Variants in WWOX observed in about 807,000 individuals in gnomAD.
The protein encoded by WWOX is WW domain containing oxidoreductase.
WWOX carries 69 observed loss-of-function variants against 46.2 expected under a neutral mutation model. The observed-to-expected ratio is 1.49, with a 90% CI of 1.23 to 1.82. The LOEUF is 1.82. Ranked by LOEUF, WWOX falls within the 40% of genes most tolerant of loss-of-function variation. The probability of loss-of-function intolerance (pLI) is 0.00; values close to 1 mark genes in which losing one functional copy is unlikely to be tolerated. For missense variants in WWOX, 919 were observed against 542.6 expected (o/e 1.69, Z -6.89); for synonymous variants, 359 against 202.6 (o/e 1.77, Z -6.56).
chr16:78,579,618 A>T (rs1486775673), intron 8 of WWOX, among the ~76,000 whole-genome samples: 1 of 152,206 alleles, frequency 6.6e-6, no homozygotes, highest in East Asian at 1.9e-4. Flanking sequence ...CTGTACTTCA[A>T]GGTTTTGGAG....
chr16:78,979,174 C>T (rs2046632222), intron 8 of WWOX, among the ~76,000 whole-genome samples: 1 of 151,252 alleles, frequency 6.6e-6, no homozygotes, highest in South Asian at 2.1e-4. Context: ...ATGCTACATG[C>T]ATGTGGCTTC....
At chr16:78,925,361 G>C (rs573705561) in intron 8 of WWOX, among the ~76,000 whole-genome samples, 94 of 152,252 alleles carry the variant, frequency 6.2e-4, no homozygotes, top group Admixed American at 1.3e-3. Context: ...AACAAAGGGA[G>C]ATCCACCCTT....
chr16:78,790,772 C>G (rs537908253), intron 8 of WWOX, among the ~76,000 whole-genome samples: 1 of 152,196 alleles, frequency 6.6e-6, no homozygotes, highest in Admixed American at 6.5e-5. Flanking sequence ...GTAACCCTAG[C>G]ACTTTGGGAG....
chr16:78,224,010 T>G (rs1018627408), intron 5 of WWOX, among the ~76,000 whole-genome samples: 2 of 152,180 alleles, frequency 1.3e-5, no homozygotes, highest in African/African-American at 4.8e-5. Flanking sequence ...TTATCTTTCC[T>G]TCTTTTTTTT....
At chr16:78,389,484 C>G (rs1211384109) in intron 6 of WWOX, among the ~76,000 whole-genome samples, 4 of 152,126 alleles carry the variant, frequency 2.6e-5, no homozygotes, top group Non-Finnish European at 4.4e-5. Flanking sequence ...ATGATAATGA[C>G]AAGAACAGCA....
intron 5 of WWOX, among the ~76,000 whole-genome samples, chr16:78,195,877 A>G (rs912962383): frequency 3.9e-5 from 6 of 152,052 alleles, no homozygotes; most frequent in African/African-American, 1.2e-4. Flanking sequence ...ATATGAGACA[A>G]ATGAAAAAGA....
intron 5 of WWOX, among the ~76,000 whole-genome samples, chr16:78,228,880 G>A (rs180724625): frequency 2.6e-5 from 4 of 152,270 alleles, no homozygotes; most frequent in Admixed American, 6.5e-5. Flanking sequence ...CCAAGTGTCC[G>A]TAAACTTCAA....
intron 4 of WWOX, chr16:78,124,086 C>T (rs371121560): frequency 2.0e-5 from 3 of 152,076 alleles, no homozygotes; most frequent in African/African-American, 7.2e-5. Flanking sequence ...GAAAGGAATA[C>T]ACTTTGGCTT....
At chr16:78,771,283 G>C (rs1379020736) in intron 8 of WWOX, among the ~76,000 whole-genome samples, 1 of 152,088 alleles carries the variant, frequency 6.6e-6, no homozygotes, top group Admixed American at 6.5e-5. Flanking sequence ...ACTGAAACAG[G>C]GTATCCAGTT....
At chr16:78,848,520 C>G (rs1266200225) in intron 8 of WWOX, among the ~76,000 whole-genome samples, 3 of 152,150 alleles carry the variant, frequency 2.0e-5, no homozygotes, top group Admixed American at 6.5e-5. Flanking sequence ...ACTGTGAATG[C>G]TGGGGAATGG....
Position 78,533,965 on chromosome 16 carries a change from C to G in WWOX, c.1056+101213C>G, listed in dbSNP as rs2345446. Among the ~76,000 whole-genome samples the G allele has an allele frequency of 3.6e-4, 55 of 152,272 alleles. 1 individual carries two copies. In the South Asian group the frequency reaches 5.4e-3, roughly 15 times the overall value. ...AGATACAGAGTAGTAACCCTACATT[C>G]TAGCGTAGGCAAATATTCTAGTATT... On this transcript the variant is annotated intron_variant, in intron 8 of 8. Coordinates refer to ENST00000566780, the MANE Select transcript of WWOX (RefSeq NM_016373.4).
At chr16:78,555,581 G>T (rs948388297) in intron 8 of WWOX, among the ~76,000 whole-genome samples, 3 of 106,546 alleles carry the variant, frequency 2.8e-5, no homozygotes, top group Non-Finnish European at 6.0e-5. Flanking sequence ...CTAAAGGAGT[G>T]CCACTTTTTT....
intron 8 of WWOX, among the ~76,000 whole-genome samples, chr16:79,014,726 C>G (rs1443833384): frequency 6.6e-6 from 1 of 152,190 alleles, no homozygotes; most frequent in African/African-American, 2.4e-5. Flanking sequence ...AATTGAGTCA[C>G]TTTCTGGAGT....
intron 8 of WWOX, among the ~76,000 whole-genome samples, chr16:78,779,800 A>G (rs112638835): frequency 3.1e-4 from 47 of 152,234 alleles, no homozygotes; most frequent in African/African-American, 1.1e-3. Context: ...TGAGGCTCTC[A>G]TTCTGTACCC....
rs573305352 is a variant in WWOX, at chr16:78,328,593, G to C, written c.517-58267G>C. Among the ~76,000 whole-genome samples the C allele has an allele frequency of 2.6e-5, 4 of 152,304 alleles. No individual in the cohort carries two copies. In the South Asian group the frequency reaches 8.3e-4, roughly 32 times the overall value. On this transcript the variant is annotated intron_variant, in intron 5 of 8. Transcript: ENST00000566780. ...TAGGCCTGTATTCAAAGGAGAATAAGATAAATAAGATCGAATGTGGAAATT... is the reference window on the plus strand; with the variant it reads ...TAGGCCTGTATTCAAAGGAGAATAACATAAATAAGATCGAATGTGGAAATT...
chr16:78,764,506 C>G (rs2049880767), intron 8 of WWOX, among the ~76,000 whole-genome samples: 1 of 146,674 alleles, frequency 6.8e-6, no homozygotes, highest in African/African-American at 2.5e-5. Flanking sequence ...ACCTGTTTGT[C>G]TAGAACCTGT....
intron 8 of WWOX, among the ~76,000 whole-genome samples, chr16:79,000,559 C>G (rs1483850112): frequency 6.6e-6 from 1 of 152,074 alleles, no homozygotes; most frequent in Non-Finnish European, 1.5e-5. Context: ...GAGGAAGCGT[C>G]CAGGAGCCAA....
chr16:78,320,322 C>T (rs912559690), intron 5 of WWOX, among the ~76,000 whole-genome samples: 5 of 152,110 alleles, frequency 3.3e-5, no homozygotes, highest in Non-Finnish European at 5.9e-5. Context: ...TTATCCCCTT[C>T]GGTGTAGGTT....
chr16:78,667,403 G>T (rs2142191423), intron 8 of WWOX, among the ~76,000 whole-genome samples: 1 of 152,148 alleles, frequency 6.6e-6, no homozygotes, highest in Middle Eastern at 3.4e-3. Flanking sequence ...GGGTGTGGTG[G>T]CTCACGCCTG....
Sources: allele counts gnomAD v4.1 joint callset (sites outside exome capture counted in the v4.1 genomes callset), GRCh38; gene constraint gnomAD v4.1.1; transcripts MANE v1.5; gene names NCBI Gene and HGNC (gene_info 2026-07-23, HGNC 2026-07-21).